The following KIF2C variants were observed in gnomAD, a reference collection of about 807,000 sequenced individuals.
KIF2C encodes the protein kinesin-like protein KIF2C.
Under a neutral mutation model 97.4 loss-of-function variants are expected in KIF2C, and 34 were observed. That is an observed-to-expected ratio of 0.35 (90% CI 0.27 to 0.46). The LOEUF (loss-of-function observed/expected upper bound fraction) is 0.46, where lower values mean the gene tolerates loss of function less well. Ranked by LOEUF, KIF2C falls within the 20% of genes least tolerant of loss-of-function variation. The pLI, the probability that KIF2C is intolerant of heterozygous loss-of-function variation, is 1.00. For synonymous variants in KIF2C, 313 were observed against 318.2 expected (o/e 0.98, Z 0.17); for missense variants, 750 against 907.6 (o/e 0.83, Z 2.23).
At chr1:44,751,229 CT>C (rs1649494248) in intron 5 of KIF2C, among the ~76,000 whole-genome samples, 1 of 151,914 alleles carries the variant, frequency 6.6e-6, no homozygotes, top group East Asian at 1.9e-4. Context: ...GAGTCTCACT[CT>C]TGTCACCCAG....
At chr1:44,745,529 G>C (rs1649146711) in intron 2 of KIF2C, among the ~76,000 whole-genome samples, 1 of 125,096 alleles carries the variant, frequency 8.0e-6, no homozygotes, top group African/African-American at 3.0e-5. Flanking sequence ...GCTGGAGTGT[G>C]ATGGCGCTAT....
rs745402735 is a variant in KIF2C, at chr1:44,766,984, G to A, written c.2095+35G>A. 1.9e-6 allele frequency: 3 copies of A among 1,613,432 alleles called. No homozygotes were observed. In the Admixed American group the frequency reaches 5.0e-5, roughly 27 times the overall value. ...GCTGGATGGGGTGCAGGTGGACGAT[G>A]GTGGCCTCTGCTGGCTCTTGGGCAG... is the stretch of plus-strand genomic sequence containing the variant. On this transcript the variant is annotated intron_variant, in intron 20 of 20. Coordinates refer to ENST00000372224, the MANE Select transcript of KIF2C (RefSeq NM_006845.4).
In KIF2C at chr1:44,748,070, G is replaced by A. The variant is rs576650065; in HGVS notation, c.316+370G>A. ...TTTGAAAATGGGAGACACTAGGCCT[G>A]TGGGTTGTTTAGAAGTACAGTTGGT... On this transcript the variant is annotated intron_variant, in intron 4 of 20. Coordinates refer to ENST00000372224, the MANE Select transcript of KIF2C (RefSeq NM_006845.4). Among the ~76,000 whole-genome samples, 8 of 152,344 alleles carry A rather than the reference G, an allele frequency of 5.3e-5. No individual in the cohort carries two copies. The South Asian group carries it at 1.7e-3, about 32-fold the overall frequency.
rs893735957 is a variant in KIF2C, at chr1:44,754,388, T to C, written c.664-362T>C. Among the ~76,000 whole-genome samples the C allele has an allele frequency of 5.9e-5, 9 of 152,188 alleles. No individual in the cohort carries two copies. The East Asian group carries it at 1.7e-3, about 29-fold the overall frequency. On this transcript the variant is annotated intron_variant, in intron 7 of 20. Coordinates refer to ENST00000372224, the MANE Select transcript of KIF2C (RefSeq NM_006845.4). ...CACATGGCGTGATGGCCAGAGGGGC[T>C]GCAGGGCACAATTGGTCTGCTCTCT... is the stretch of plus-strand genomic sequence containing the variant.
intron 5 of KIF2C, among the ~76,000 whole-genome samples, chr1:44,751,229 C>G (rs770639659): frequency 2.0e-5 from 3 of 151,916 alleles, no homozygotes; most frequent in Non-Finnish European, 4.4e-5. Context: ...GAGTCTCACT[C>G]TTGTCACCCA....
intron 13 of KIF2C, among the ~76,000 whole-genome samples, chr1:44,758,501 C>CTATT (rs1327151534): frequency 3.9e-5 from 6 of 152,182 alleles, no homozygotes; most frequent in Admixed American, 3.9e-4. Flanking sequence ...ACCCCTCTCT[C>CTATT]TATTCACTGT....
chr1:44,758,964 A>T (rs1649994659), intron 13 of KIF2C: 1 of 518,414 alleles, frequency 1.9e-6, no homozygotes, highest in Non-Finnish European at 3.5e-6. Flanking sequence ...GCAAGGCTAG[A>T]GTGGTTATTA....
At chr1:44,756,812 A>G (rs2148829541) in intron 10 of KIF2C, among the ~76,000 whole-genome samples, 1 of 151,946 alleles carries the variant, frequency 6.6e-6, no homozygotes, top group East Asian at 1.9e-4. Flanking sequence ...TTGGCCTCCC[A>G]AAGTGCTGGG....
At chr1:44,755,400 G>T (rs1573565783) in intron 8 of KIF2C, among the ~76,000 whole-genome samples, 1 of 152,316 alleles carries the variant, frequency 6.6e-6, no homozygotes, top group African/African-American at 2.4e-5. Context: ...CCAGTAGCTG[G>T]GATTACAGGC....
intron 2 of KIF2C, among the ~76,000 whole-genome samples, chr1:44,741,754 C>T (rs1648946187): frequency 6.6e-6 from 1 of 151,860 alleles, no homozygotes; most frequent in African/African-American, 2.4e-5. Flanking sequence ...TTTGGGAGGC[C>T]GAGGTGGGCA....
rs1026670553 is a variant in KIF2C at position 44,760,862 on chromosome 1, G to A, written c.1683+160G>A. On this transcript the variant is annotated intron_variant, in intron 16 of 20. Transcript: ENST00000372224. This position sits in a 1 kb window ranked among gnomAD's most constrained non-coding sequence, Gnocchi z 4.2. ...GCTTCCAGACCCTGCTTTAATGCAC[G>A]AGACTCCTTGTGGCCTAACCAAGCG... 2.7e-5 allele frequency: 17 copies of A among 621,308 alleles called. No individual in the cohort carries two copies. Among genetic ancestry groups the A allele is most frequent in the African/African-American group, 7.4e-5 (4 of 54,352 alleles). The allele number at this position is 621,308 out of a possible 1,614,324, so 38.5% of individuals were successfully genotyped here.
Position 44,747,608 on chromosome 1 carries a change from A to G in KIF2C, c.268-44A>G, listed in dbSNP as rs1455321037. The G allele has an allele frequency of 1.9e-6, 3 of 1,605,064 alleles. No individual in the cohort carries two copies. The East Asian group carries it at 6.7e-5, about 36-fold the overall frequency. On this transcript the variant is annotated intron_variant, in intron 3 of 20. Transcript: ENST00000372224. ...ATGGGCCCAGGATGGGCCCTTGAGAATTGATAAGAGCCATATATTGTGACA... is the reference window on the plus strand; with the variant it reads ...ATGGGCCCAGGATGGGCCCTTGAGAGTTGATAAGAGCCATATATTGTGACA...
At chr1:44,765,706 G>A (rs533754241) in intron 19 of KIF2C, among the ~76,000 whole-genome samples, 78 of 152,230 alleles carry the variant, frequency 5.1e-4, no homozygotes, top group African/African-American at 1.7e-3. Context: ...GTGGTGGCGC[G>A]TACCTGTAGT....
At chr1:44,753,955 A>ATTTTTTTTTT (rs1649673304) in intron 7 of KIF2C, 122 bp downstream of exon 7, 22 of 193,170 alleles carry the variant, frequency 1.1e-4, no homozygotes, top group African/African-American at 2.3e-4. Context: ...TGAGGCCCCA[A>ATTTTTTTTTT]TTCTTTTTTT....
intron 16 of KIF2C, among the ~76,000 whole-genome samples, chr1:44,761,337 G>T (rs1215592086): frequency 6.6e-6 from 1 of 152,062 alleles, no homozygotes; most frequent in African/African-American, 2.4e-5. Flanking sequence ...TGGGCGCGGT[G>T]GCTCACGCCT....
At chr1:44,753,618 G>T (rs1052874593) in intron 6 of KIF2C, 115 bp from the exon 7 acceptor site, 1 of 653,368 alleles carries the variant, frequency 1.5e-6, no homozygotes, top group Non-Finnish European at 2.6e-6. Flanking sequence ...TCTAGAGAAG[G>T]CCTCTCCCTG....
intron 2 of KIF2C, among the ~76,000 whole-genome samples, chr1:44,743,272 TG>T (rs1036455867): frequency 6.6e-6 from 1 of 152,206 alleles, no homozygotes; most frequent in Non-Finnish European, 1.5e-5. Flanking sequence ...GATTCTAGTC[TG>T]GCTCTGCCAC....
rs370307073 is a variant in KIF2C at position 44,766,334 on chromosome 1, G to A, written c.1972-492G>A. Among the ~76,000 whole-genome samples the A allele has an allele frequency of 2.1e-4, 32 of 152,280 alleles. No individual in the cohort carries two copies. The South Asian group carries it at 4.3e-3, about 21-fold the overall frequency. ...GGGGATAAGCTTGGGATAGGAGGCC[G>A]GAAGTGGTGGCTCAAGCCTGTAATC... On this transcript the variant is annotated intron_variant, in intron 19 of 20. Coordinates refer to ENST00000372224, the MANE Select transcript of KIF2C (RefSeq NM_006845.4).
intron 4 of KIF2C, among the ~76,000 whole-genome samples, chr1:44,749,762 G>A (rs1240958864): frequency 6.6e-6 from 1 of 151,996 alleles, no homozygotes; most frequent in African/African-American, 2.4e-5. Context: ...TCCAGCCTGG[G>A]TGGCAGTGTG....
Sources: gnomAD v4.1 joint callset for allele counts (sites outside exome capture counted in the v4.1 genomes callset) on GRCh38, gnomAD v4.1.1 for gene constraint, Gnocchi (gnomAD v3.1) non-coding constraint, MANE v1.5 for transcripts, NCBI Gene and HGNC (gene_info 2026-07-23, HGNC 2026-07-21) for gene names.